The following GOLGA4 variants were observed in gnomAD, a reference collection of about 807,000 sequenced individuals.
GOLGA4 encodes the protein golgin subfamily A member 4.
Under a neutral mutation model 265.9 loss-of-function variants are expected in GOLGA4, and 169 were observed. That is an observed-to-expected ratio of 0.64 (90% CI 0.56 to 0.72). The LOEUF is 0.72. Ranked by LOEUF, GOLGA4 falls within the 30% of genes least tolerant of loss-of-function variation. The probability of loss-of-function intolerance (pLI) is 0.00; values close to 1 mark genes in which losing one functional copy is unlikely to be tolerated. For synonymous variants in GOLGA4, 923 were observed against 855.8 expected, an observed-to-expected ratio of 1.08 and a Z score of -1.37; for missense variants, 2,482 against 2,483.4, an observed-to-expected ratio of 1.00 and a Z score of 0.01.
chr3:37,345,784 TA>T (rs1337933202), intron 20 of GOLGA4, among the ~76,000 whole-genome samples: 1 of 152,002 alleles, frequency 6.6e-6, no homozygotes, highest in Admixed American at 6.6e-5. Flanking sequence ...CTGTCTCTAC[TA>T]AAAATACAAA....
At chr3:37,330,766 G>T (rs1322922793) in intron 16 of GOLGA4, among the ~76,000 whole-genome samples, 1 of 152,110 alleles carries the variant, frequency 6.6e-6, no homozygotes, top group Non-Finnish European at 1.5e-5. Context: ...GGTGGCTCAT[G>T]CCTGTAATTC....
chr3:37,285,956 C>A, intron 3 of GOLGA4, 58 bp from the exon 4 acceptor site: 2 of 1,014,882 alleles, frequency 2.0e-6, no homozygotes, highest in Non-Finnish European at 3.0e-6. Context: ...TTTTAGTGGA[C>A]TTTAGAATAA....
intron 2 of GOLGA4, among the ~76,000 whole-genome samples, chr3:37,275,136 A>C (rs1401184126): frequency 6.8e-6 from 1 of 146,362 alleles, no homozygotes; most frequent in African/African-American, 2.5e-5. Flanking sequence ...GAATTGCTTG[A>C]ACCCGGGAGG....
At chr3:37,313,171 C>T (rs1228039241) in intron 10 of GOLGA4, among the ~76,000 whole-genome samples, 1 of 152,008 alleles carries the variant, frequency 6.6e-6, no homozygotes, top group African/African-American at 2.4e-5. Context: ...CCACTGCACT[C>T]TAGCTTGGGT....
Position 37,337,656 on chromosome 3 carries a change from G to C in GOLGA4, c.6328-10G>C. Reference sequence around the variant, plus strand: ...ATGTGCATTTCAGATCTGACTTTTTGTTCTTTCAGACACAGCTAGCACAGA... The same window carrying C: ...ATGTGCATTTCAGATCTGACTTTTTCTTCTTTCAGACACAGCTAGCACAGA... On this transcript the variant is annotated splice_polypyrimidine_tract_variant and intron_variant, in intron 18 of 23. Transcript: ENST00000361924. 3 of 1,596,084 alleles carry C rather than the reference G, an allele frequency of 1.9e-6. No homozygotes were observed. Among genetic ancestry groups the C allele is most frequent in the Non-Finnish European group, 2.6e-6 (3 of 1,163,686 alleles).
At chr3:37,300,627 T>G (rs780754117) in intron 9 of GOLGA4, among the ~76,000 whole-genome samples, 12 of 152,178 alleles carry the variant, frequency 7.9e-5, no homozygotes, top group Non-Finnish European at 1.6e-4. Flanking sequence ...CCTTCTCAAC[T>G]GTCATTGTCC....
intron 6 of GOLGA4, 90 bp from the exon 7 acceptor site, chr3:37,295,997 T>A: frequency 8.3e-7 from 1 of 1,200,146 alleles, no homozygotes; most frequent in Non-Finnish European, 1.2e-6. Flanking sequence ...CAGGGAATCC[T>A]GGAACCAATC....
At chr3:37,358,314 ACTT>A (rs2097095727) in intron 22 of GOLGA4, among the ~76,000 whole-genome samples, 1 of 152,152 alleles carries the variant, frequency 6.6e-6, no homozygotes, top group Non-Finnish European at 1.5e-5. Flanking sequence ...TCTTTACTAT[ACTT>A]CTCTCTCTTC....
intron 2 of GOLGA4, chr3:37,275,679 G>C (rs2096815243): frequency 6.2e-7 from 1 of 1,611,864 alleles, no homozygotes; most frequent in African/African-American, 1.3e-5. Context: ...GCGCGGAGAA[G>C]ACCTGCCGGA....
chr3:37,360,068 A>G (rs2097100466), intron 22 of GOLGA4, among the ~76,000 whole-genome samples: 1 of 152,190 alleles, frequency 6.6e-6, no homozygotes, highest in African/African-American at 2.4e-5. Flanking sequence ...ATCTCTGTGA[A>G]CAGTTTGGGG....
Position 37,243,580 on chromosome 3 carries a change from C to T in GOLGA4, c.30C>T (p.Ser10=), listed in dbSNP as rs371205643. 17 of 1,613,854 alleles carry T rather than the reference C, an allele frequency of 1.1e-5. No homozygotes were observed. The highest frequency in any genetic ancestry group is 2.2e-5 in the South Asian group (2 of 91,084). Residue 10 remains serine, a synonymous_variant, in exon 1 of 24, where the codon AGC becomes AGT. Transcript: ENST00000361924. The part of the protein sequence containing the change: MFKKLKQKI[S]EEQQQLQQAL... ...TCAAGAAACTGAAGCAAAAGATCAG[C>T]GAGGAGCAGCAGCAGCTCCAGCAGG...
At chr3:37,271,208 G>A (rs2096797821) in intron 2 of GOLGA4, among the ~76,000 whole-genome samples, 1 of 151,822 alleles carries the variant, frequency 6.6e-6, no homozygotes, top group African/African-American at 2.4e-5. Flanking sequence ...CAGGCTATGA[G>A]TTGATACTGG....
chr3:37,295,926 A>C (rs2096877009), intron 6 of GOLGA4, among the ~76,000 whole-genome samples, 161 bp from the exon 7 acceptor site: 1 of 152,226 alleles, frequency 6.6e-6, no homozygotes, highest in South Asian at 2.1e-4. Context: ...TGTGTAGGCT[A>C]TATGCAAATA....
At chr3:37,251,238 T>G (rs1481203804) in intron 1 of GOLGA4, among the ~76,000 whole-genome samples, 157 bp from the exon 2 acceptor site, 1 of 152,216 alleles carries the variant, frequency 6.6e-6, no homozygotes, top group Non-Finnish European at 1.5e-5. Context: ...GGTTTTCTAG[T>G]TGATTATATT....
At chr3:37,365,468 A>C (rs1290639137) in intron 23 of GOLGA4, among the ~76,000 whole-genome samples, 1 of 152,128 alleles carries the variant, frequency 6.6e-6, no homozygotes, top group Non-Finnish European at 1.5e-5. Flanking sequence ...GGGTTTTGCC[A>C]TGTTGGCCAG....
intron 2 of GOLGA4, chr3:37,267,045 G>T: frequency 7.5e-6 from 3 of 402,148 alleles, no homozygotes; most frequent in Non-Finnish European, 1.4e-5. Flanking sequence ...ATCTCTCAAA[G>T]TATCTTCAGT....
At chr3:37,332,281 G>A (rs986199338) in intron 16 of GOLGA4, among the ~76,000 whole-genome samples, 1 of 152,140 alleles carries the variant, frequency 6.6e-6, no homozygotes, top group Non-Finnish European at 1.5e-5. Context: ...ACATTCTCAA[G>A]CTTCATAAGT....
intron 9 of GOLGA4, 104 bp downstream of exon 9, chr3:37,299,475 T>C: frequency 1.5e-6 from 1 of 670,524 alleles, no homozygotes; most frequent in South Asian, 2.2e-5. Flanking sequence ...TTCTAAAAAT[T>C]ATTGCAGCTT....
chr3:37,289,409 G>A (rs2096859137), intron 5 of GOLGA4, 118 bp downstream of exon 5: 2 of 604,406 alleles, frequency 3.3e-6, no homozygotes. Flanking sequence ...TAACTAACCA[G>A]TCCAGCCTAC....
Sources: gnomAD v4.1 joint callset for allele counts (sites outside exome capture counted in the v4.1 genomes callset) on GRCh38, gnomAD v4.1.1 for gene constraint, MANE v1.5 for transcripts, NCBI Gene and HGNC (gene_info 2026-07-23, HGNC 2026-07-21) for gene names.